VPS54: variants seen among roughly 807,000 people sequenced by gnomAD.
VPS54 encodes the protein VPS54 subunit of GARP complex.
In VPS54, 45 loss-of-function variants were observed where a neutral mutation model predicts 121.5. The observed-to-expected ratio is 0.37, with a 90% CI of 0.29 to 0.47. The LOEUF is 0.47. VPS54 is among the 20% of genes least tolerant of loss of function. The probability of loss-of-function intolerance (pLI) is 0.99; values close to 1 mark genes in which losing one functional copy is unlikely to be tolerated. For missense variants in VPS54, 1,090 were observed against 1,131.4 expected (o/e 0.96, Z 0.52); for synonymous variants, 371 against 385.8 (o/e 0.96, Z 0.45).
At position 64,013,643 on chromosome 2, in the gene VPS54, A is replaced by T. The variant is rs910644631; in HGVS notation, c.-21+5295T>A. ...CAGCATTTATATATAAATATATATC[A>T]ATATATAGATATATATTGATATATA... On this transcript the variant is annotated intron_variant, in intron 1 of 22. Transcript: ENST00000272322. Among the ~76,000 whole-genome samples the T allele has an allele frequency of 2.7e-5, 4 of 145,596 alleles. 1 individual carries two copies. In the Admixed American group the frequency reaches 2.8e-4, roughly 10 times the overall value.
chr2:63,938,276 C>A (rs1159091727), intron 11 of VPS54, among the ~76,000 whole-genome samples: 2 of 151,354 alleles, frequency 1.3e-5, no homozygotes, highest in Non-Finnish European at 2.9e-5. Flanking sequence ...TATATTTGGT[C>A]TTTGTCCCCA....
chr2:64,016,509 T>G (rs1286983623), intron 1 of VPS54, among the ~76,000 whole-genome samples: 1 of 152,112 alleles, frequency 6.6e-6, no homozygotes, highest in East Asian at 1.9e-4. Flanking sequence ...GGAGTAACTG[T>G]TAATGGATAA....
chr2:63,927,157 T>C (rs1391522770), intron 12 of VPS54, among the ~76,000 whole-genome samples: 1 of 152,170 alleles, frequency 6.6e-6, no homozygotes, highest in Non-Finnish European at 1.5e-5. Context: ...GAGCTGTGGT[T>C]CTCCCAGCAC....
At chr2:63,977,510 C>G (rs961828954) in intron 3 of VPS54, among the ~76,000 whole-genome samples, 1 of 152,186 alleles carries the variant, frequency 6.6e-6, no homozygotes, top group African/African-American at 2.4e-5. Flanking sequence ...ATGAACTCAT[C>G]AAAAGCATTC....
At chr2:63,941,537 T>G (rs1039517129) in intron 11 of VPS54, among the ~76,000 whole-genome samples, 8 of 152,224 alleles carry the variant, frequency 5.3e-5, no homozygotes, top group African/African-American at 1.9e-4. Context: ...TGTATTCTTC[T>G]TAAACCAAAG....
At chr2:63,949,402 C>A (rs527993774) in intron 7 of VPS54, among the ~76,000 whole-genome samples, 1 of 152,276 alleles carries the variant, frequency 6.6e-6, no homozygotes, top group Admixed American at 6.5e-5. Context: ...AGGCACCAAA[C>A]ACCAGTGCAA....
At chr2:63,965,288 A>T (rs1045595525) in intron 6 of VPS54, among the ~76,000 whole-genome samples, 1 of 152,164 alleles carries the variant, frequency 6.6e-6, no homozygotes, top group African/African-American at 2.4e-5. Context: ...CAGCCTGGCC[A>T]ACATGGTGAA....
At chr2:63,940,421 T>C (rs1674664071) in intron 11 of VPS54, among the ~76,000 whole-genome samples, 1 of 152,194 alleles carries the variant, frequency 6.6e-6, no homozygotes, top group Non-Finnish European at 1.5e-5. Context: ...TCAGTTTTCA[T>C]ATAGCACATA....
chr2:63,960,634 C>T (rs1675713359), intron 7 of VPS54, among the ~76,000 whole-genome samples: 2 of 152,288 alleles, frequency 1.3e-5, no homozygotes, highest in South Asian at 2.1e-4. Context: ...TTCATCAACA[C>T]TCATGATATT....
intron 1 of VPS54, among the ~76,000 whole-genome samples, chr2:64,008,995 T>G (rs1678301424): frequency 6.6e-6 from 1 of 152,238 alleles, no homozygotes; most frequent in Non-Finnish European, 1.5e-5. Context: ...TAGAGTAACT[T>G]GATTTCAGAC....
chr2:63,911,985 T>C (rs185368423), intron 20 of VPS54, among the ~76,000 whole-genome samples: 3 of 152,168 alleles, frequency 2.0e-5, no homozygotes, highest in African/African-American at 4.8e-5. Context: ...GAAATGAATG[T>C]TGAAATGAAT....
At chr2:63,936,717 C>T (rs369380249) in intron 11 of VPS54, among the ~76,000 whole-genome samples, 57 of 152,120 alleles carry the variant, frequency 3.7e-4, no homozygotes, top group African/African-American at 1.3e-3. Flanking sequence ...AAAATACAAT[C>T]GTAAAGAATG....
chr2:64,018,119 G>A (rs553257265), intron 1 of VPS54, among the ~76,000 whole-genome samples: 1 of 152,122 alleles, frequency 6.6e-6, no homozygotes, highest in Non-Finnish European at 1.5e-5. Flanking sequence ...ACTTAAAGGC[G>A]TTTAGTATTA....
At chr2:63,994,958 T>C (rs1677511084) in intron 1 of VPS54, among the ~76,000 whole-genome samples, 1 of 152,234 alleles carries the variant, frequency 6.6e-6, no homozygotes, top group Non-Finnish European at 1.5e-5. Context: ...ACGAGAATCA[T>C]CATTCTACTT....
At chr2:63,976,763 G>T (rs1476581627) in intron 3 of VPS54, among the ~76,000 whole-genome samples, 1 of 150,060 alleles carries the variant, frequency 6.7e-6, no homozygotes, top group Non-Finnish European at 1.5e-5. Context: ...TCCTTTTAAT[G>T]TCTGCAGGAT....
intron 1 of VPS54, among the ~76,000 whole-genome samples, chr2:64,012,543 A>T (rs1326469740): frequency 6.6e-6 from 1 of 150,926 alleles, no homozygotes. Context: ...CACAACTCTT[A>T]ACTTTCTGAG....
intron 9 of VPS54, among the ~76,000 whole-genome samples, chr2:63,946,563 C>T (rs969912175): frequency 6.6e-6 from 1 of 152,006 alleles, no homozygotes; most frequent in African/African-American, 2.4e-5. Flanking sequence ...TAAACTTAAA[C>T]TTTAAAAACT....
At chr2:63,975,791 T>C (rs2104596925) in intron 3 of VPS54, among the ~76,000 whole-genome samples, 1 of 152,352 alleles carries the variant, frequency 6.6e-6, no homozygotes, top group South Asian at 2.1e-4. Context: ...GTGTGGATTA[T>C]TCATTCTCTA....
chr2:63,983,420 A>G (rs968886268), intron 2 of VPS54, among the ~76,000 whole-genome samples: 1 of 148,376 alleles, frequency 6.7e-6, no homozygotes, highest in Non-Finnish European at 1.5e-5. Context: ...TACAGGCGTG[A>G]GCCACCACGC....
Sources: gnomAD v4.1 joint callset for allele counts (sites outside exome capture counted in the v4.1 genomes callset) on GRCh38, gnomAD v4.1.1 for gene constraint, MANE v1.5 for transcripts, NCBI Gene and HGNC (gene_info 2026-07-23, HGNC 2026-07-21) for gene names.